The following CSMD3 variants were observed in gnomAD, a reference collection of about 807,000 sequenced individuals.
CSMD3 encodes CUB and sushi domain-containing protein 3.
In CSMD3, 177 loss-of-function variants were observed where a neutral mutation model predicts 435.2. That is an observed-to-expected ratio of 0.41 (90% CI 0.36 to 0.46). The LOEUF is 0.46. CSMD3 is among the 20% of genes least tolerant of loss of function. CSMD3 has a pLI of 0.34. For missense variants in CSMD3, 4,265 were observed against 4,504.6 expected (o/e 0.95, Z 1.52); for synonymous variants, 1,656 against 1,520.5 (o/e 1.09, Z -2.07).
chr8:112,694,324 A>T (rs1182528553), intron 13 of CSMD3, among the ~76,000 whole-genome samples: 1 of 152,150 alleles, frequency 6.6e-6, no homozygotes, highest in Non-Finnish European at 1.5e-5. Context: ...TTGAGCAAGA[A>T]AAAACAATGA....
chr8:112,871,684 T>C (rs1187542877), intron 10 of CSMD3, among the ~76,000 whole-genome samples: 2 of 152,112 alleles, frequency 1.3e-5, no homozygotes, highest in Non-Finnish European at 2.9e-5. Flanking sequence ...CAGAGTTTTG[T>C]GTTGAGTGTC....
intron 32 of CSMD3, among the ~76,000 whole-genome samples, chr8:112,414,275 C>G (rs1811671828): frequency 6.6e-6 from 1 of 152,114 alleles, no homozygotes; most frequent in Non-Finnish European, 1.5e-5. Context: ...CTATGTCCCC[C>G]TGAGAGGTAA....
chr8:112,237,248 A>G lies in CSMD3; in HGVS notation c.10569T>C (p.Ala3523=). Residue 3523 remains alanine (A), a synonymous_variant, in exon 67 of 71, where the codon GCT becomes GCC. Coordinates refer to ENST00000297405, the MANE Select transcript of CSMD3 (RefSeq NM_198123.2). Reference sequence around the variant, plus strand: ...GTGTTGCGTTAACTCTCCCAGTGGAAGCATTGAAACTAGTAACTGTTAAGG... The same window carrying G: ...GTGTTGCGTTAACTCTCCCAGTGGAGGCATTGAAACTAGTAACTGTTAAGG... ...PMTLTVTSFN[A]STGRVNATLS... is the part of the protein sequence containing the mutation. 1 of 1,613,624 alleles carries G rather than the reference A, an allele frequency of 6.2e-7. No individual in the cohort carries two copies. The highest frequency in any genetic ancestry group is 2.2e-5 in the East Asian group (1 of 44,796).
At chr8:112,830,011 A>C (rs1159739473) in intron 11 of CSMD3, among the ~76,000 whole-genome samples, 1 of 152,108 alleles carries the variant, frequency 6.6e-6, no homozygotes, top group Non-Finnish European at 1.5e-5. Flanking sequence ...GTTCAATCAT[A>C]TCATTACATG....
At chr8:113,291,046 A>G (rs922801529) in intron 2 of CSMD3, among the ~76,000 whole-genome samples, 20 of 151,516 alleles carry the variant, frequency 1.3e-4, no homozygotes, top group South Asian at 6.2e-4. Flanking sequence ...TTACATAATA[A>G]TGTCTTCATA....
chr8:112,546,426 T>C (rs1224495822), intron 27 of CSMD3, among the ~76,000 whole-genome samples: 1 of 152,174 alleles, frequency 6.6e-6, no homozygotes, highest in Non-Finnish European at 1.5e-5. Flanking sequence ...AGGGGCACCA[T>C]GCAATTGGTT....
At chr8:112,374,441 C>T (rs1212273686) in intron 38 of CSMD3, among the ~76,000 whole-genome samples, 1 of 151,972 alleles carries the variant, frequency 6.6e-6, no homozygotes, top group Non-Finnish European at 1.5e-5. Flanking sequence ...AAAATAGCAC[C>T]TGCCACTGTA....
intron 1 of CSMD3, among the ~76,000 whole-genome samples, chr8:113,367,388 TTTTTAATA>T (rs1230448336): frequency 2.6e-5 from 4 of 152,016 alleles, no homozygotes; most frequent in Non-Finnish European, 5.9e-5. Context: ...TTTACTTCAT[TTTTTAATA>T]TTTTAAGTAT....
intron 3 of CSMD3, among the ~76,000 whole-genome samples, chr8:113,258,902 CA>C (rs1389460692): frequency 1.3e-5 from 2 of 151,958 alleles, no homozygotes; most frequent in Non-Finnish European, 2.9e-5. Flanking sequence ...GGTAAGATTA[CA>C]AATATATGTT....
intron 32 of CSMD3, among the ~76,000 whole-genome samples, chr8:112,410,249 A>T (rs1442893592): frequency 6.7e-6 from 1 of 149,914 alleles, no homozygotes; most frequent in East Asian, 2.0e-4. Flanking sequence ...GAAAATGAAA[A>T]TATTAACAGA....
At chr8:112,684,142 T>C (rs1346101868) in intron 15 of CSMD3, among the ~76,000 whole-genome samples, 2 of 151,936 alleles carry the variant, frequency 1.3e-5, no homozygotes, top group East Asian at 1.9e-4. Flanking sequence ...AAGTTAAAAA[T>C]ATTATGCATT....
chr8:112,591,895 TAA>T (rs1831222388), intron 22 of CSMD3, among the ~76,000 whole-genome samples: 2 of 151,984 alleles, frequency 1.3e-5, no homozygotes, highest in South Asian at 4.1e-4. Context: ...TTCATTTCAT[TAA>T]GTTAGGACAC....
intron 10 of CSMD3, among the ~76,000 whole-genome samples, chr8:112,880,737 A>G (rs1453522990): frequency 6.6e-6 from 1 of 151,818 alleles, no homozygotes; most frequent in Non-Finnish European, 1.5e-5. Flanking sequence ...TTTTTTTGTC[A>G]AGCTAAGGGG....
chr8:112,662,870 AAC>A (rs1297712694), intron 17 of CSMD3, among the ~76,000 whole-genome samples: 1 of 152,216 alleles, frequency 6.6e-6, no homozygotes, highest in Admixed American at 6.5e-5. Context: ...AAAGGATATG[AAC>A]AGACACTTCT....
At chr8:112,296,688 A>G (rs1162998508) in intron 53 of CSMD3, among the ~76,000 whole-genome samples, 1 of 152,088 alleles carries the variant, frequency 6.6e-6, no homozygotes, top group Non-Finnish European at 1.5e-5. Flanking sequence ...GCAATGACCT[A>G]AAACTCCATG....
chr8:112,602,011 G>A (rs114582723), intron 22 of CSMD3, among the ~76,000 whole-genome samples: 3,226 of 152,212 alleles, frequency 0.021, 123 homozygotes, highest in African/African-American at 0.072. Flanking sequence ...AAGAGAAGCC[G>A]ATGGGAGCAG....
chr8:113,337,515 C>T (rs1444788866), intron 1 of CSMD3, among the ~76,000 whole-genome samples: 1 of 152,038 alleles, frequency 6.6e-6, no homozygotes, highest in African/African-American at 2.4e-5. Flanking sequence ...AAATATATAG[C>T]TAACATTATT....
intron 22 of CSMD3, among the ~76,000 whole-genome samples, chr8:112,609,879 T>C (rs866488776): frequency 6.4e-4 from 97 of 152,116 alleles, no homozygotes; most frequent in African/African-American, 2.2e-3. Flanking sequence ...ACAACATGGA[T>C]GAACCTGCAA....
intron 1 of CSMD3, among the ~76,000 whole-genome samples, chr8:113,322,660 T>C (rs59549863): frequency 0.11 from 16,202 of 152,250 alleles, 1,349 homozygotes; most frequent in African/African-American, 0.23. Context: ...ATTTTGATTC[T>C]ATAGATAAAT....
Sources: allele counts gnomAD v4.1 joint callset (sites outside exome capture counted in the v4.1 genomes callset), GRCh38; gene constraint gnomAD v4.1.1; transcripts MANE v1.5; gene names NCBI Gene and HGNC (gene_info 2026-07-23, HGNC 2026-07-21).